Variants in TENM1 observed in about 807,000 individuals in gnomAD.
TENM1 encodes teneurin-1.
In TENM1, 35 loss-of-function variants were observed where a neutral mutation model predicts 174.8. The ratio of observed to expected loss-of-function variants is 0.20; its 90% CI spans 0.15 to 0.27. The LOEUF (loss-of-function observed/expected upper bound fraction) is 0.27, where lower values mean the gene tolerates loss of function less well. Ranked by LOEUF, TENM1 falls within the 10% of genes least tolerant of loss-of-function variation. The pLI, the probability that TENM1 is intolerant of heterozygous loss-of-function variation, is 1.00. For missense variants in TENM1, 1,633 were observed against 2,130.1 expected (o/e 0.77, Z 4.59); for synonymous variants, 781 against 798.7 (o/e 0.98, Z 0.37).
chrX:125,037,791 T>A, the TENM1 span, among the ~76,000 whole-genome samples: 1 of 111,695 alleles, frequency 9.0e-6, no homozygotes, highest in African/African-American at 3.2e-5. Context: ...CCTTTTAATC[T>A]TTCCTCATAA....
At chrX:125,131,833 G>T in the TENM1 span, among the ~76,000 whole-genome samples, 1 of 111,466 alleles carries the variant, frequency 9.0e-6, no homozygotes, top group Non-Finnish European at 1.9e-5. Context: ...TGAGTACTTT[G>T]TTGGGTGCTG....
chrX:124,473,323 A>T (rs1003758721), intron 22 of TENM1, among the ~76,000 whole-genome samples: 54 of 111,464 alleles, frequency 4.8e-4, no homozygotes, highest in African/African-American at 1.7e-3. Context: ...TCAAAATATG[A>T]TTTAAGTGAT....
chrX:125,198,626 T>G, the TENM1 span, among the ~76,000 whole-genome samples: 1 of 111,756 alleles, frequency 8.9e-6, no homozygotes, highest in Non-Finnish European at 1.9e-5. Flanking sequence ...TAATCATTTA[T>G]TTCTAGCAAA....
intron 3 of TENM1, among the ~76,000 whole-genome samples, chrX:124,752,759 C>T (rs1247241454): frequency 6.3e-5 from 7 of 110,744 alleles, no homozygotes; most frequent in African/African-American, 2.3e-4. Flanking sequence ...AATCCTTTCC[C>T]CATTGCTTGT....
chrX:124,822,436 A>G (rs754833726), intron 3 of TENM1, among the ~76,000 whole-genome samples: 1 of 112,148 alleles, frequency 8.9e-6, no homozygotes, highest in Admixed American at 9.5e-5. Flanking sequence ...AGAGTTTATT[A>G]CATGTGTCTG....
At chrX:125,076,898 T>C in the TENM1 span, among the ~76,000 whole-genome samples, 1 of 108,790 alleles carries the variant, frequency 9.2e-6, no homozygotes, top group Non-Finnish European at 1.9e-5. Flanking sequence ...CATTTCAAAA[T>C]TTTTTTTTTC....
intron 1 of TENM1, among the ~76,000 whole-genome samples, chrX:124,957,628 T>C (rs2058596144): frequency 9.6e-6 from 1 of 104,063 alleles, no homozygotes; most frequent in Non-Finnish European, 2.0e-5. Context: ...TTCCACCAGA[T>C]GGCAATAATG....
chrX:124,841,947 A>C (rs977883068), intron 3 of TENM1, among the ~76,000 whole-genome samples: 1 of 112,228 alleles, frequency 8.9e-6, no homozygotes. Flanking sequence ...TTTCAATAGC[A>C]AGTTATGTTT....
At position 124,866,290 on chromosome X, in the gene TENM1, G is replaced by C. The variant is rs182908677; in HGVS notation, c.535+28006C>G. Among the ~76,000 whole-genome samples the C allele has an allele frequency of 5.0e-3, 560 of 111,916 alleles. 9 individuals carry two copies. Among genetic ancestry groups the C allele is most frequent in the African/African-American group, 0.017 (527 of 30,899 alleles). On this transcript the variant is annotated intron_variant, in intron 3 of 31. Transcript: ENST00000422452. Reference sequence around the variant, plus strand: ...AACAAGTCTTCAAAACATTCAAAAAGTTGAAATAATATCAAGCATCTTCTC... The same window carrying C: ...AACAAGTCTTCAAAACATTCAAAAACTTGAAATAATATCAAGCATCTTCTC...
intron 16 of TENM1, among the ~76,000 whole-genome samples, chrX:124,527,750 G>A (rs1469197962): frequency 3.9e-5 from 4 of 103,816 alleles, no homozygotes; most frequent in Non-Finnish European, 5.9e-5. Context: ...CCAGGTTCAA[G>A]CAATTCTCCT....
At chrX:124,459,418 A>T (rs2147865017) in intron 22 of TENM1, among the ~76,000 whole-genome samples, 1 of 111,031 alleles carries the variant, frequency 9.0e-6, no homozygotes, top group African/African-American at 3.3e-5. Flanking sequence ...AGATGAGGAA[A>T]TGGAAGTGCA....
intron 3 of TENM1, among the ~76,000 whole-genome samples, chrX:124,791,048 C>T (rs1400218099): frequency 9.0e-6 from 1 of 111,632 alleles, no homozygotes. Context: ...GTTCAAATAC[C>T]TTATCACATA....
At chrX:124,906,159 C>G (rs752261408) in intron 1 of TENM1, among the ~76,000 whole-genome samples, 9 of 111,952 alleles carry the variant, frequency 8.0e-5, no homozygotes, top group Non-Finnish European at 1.7e-4. Context: ...CATTAGCTTA[C>G]AGATGAGCAA....
intron 29 of TENM1, among the ~76,000 whole-genome samples, chrX:124,385,385 T>C (rs2060207225): frequency 8.9e-6 from 1 of 112,404 alleles, no homozygotes; most frequent in Non-Finnish European, 1.9e-5. Context: ...TGCCGTTTCA[T>C]CTTTGAGAAG....
chrX:124,823,201 T>C (rs1441695931), intron 3 of TENM1, among the ~76,000 whole-genome samples: 2 of 112,212 alleles, frequency 1.8e-5, no homozygotes, highest in Non-Finnish European at 3.8e-5. Flanking sequence ...GACATCTACA[T>C]GTTATATTTG....
At chrX:124,879,205 T>C (rs956931791) in intron 3 of TENM1, among the ~76,000 whole-genome samples, 5 of 111,844 alleles carry the variant, frequency 4.5e-5, no homozygotes, top group Admixed American at 1.9e-4. Flanking sequence ...TACTCTGCTA[T>C]TGAACATTAG....
At chrX:124,918,569 CAAAAAAA>C (rs11374085) in intron 1 of TENM1, among the ~76,000 whole-genome samples, 2 of 50,242 alleles carry the variant, frequency 4.0e-5, no homozygotes, top group Non-Finnish European at 8.8e-5. Flanking sequence ...AGAGAAATTA[CAAAAAAA>C]AAAAAAAAAA....
Position 124,452,341 on chromosome X carries a change from G to A in TENM1, c.4104+996C>T, listed in dbSNP as rs779788871. ...ATGAGATACCATCTCACACCAGTTA[G>A]AATGGCGATCATTACAAAGTCAGGA... On this transcript the variant is annotated intron_variant, in intron 23 of 31. Transcript: ENST00000422452. Among the ~76,000 whole-genome samples, 324 of 112,249 alleles carry A rather than the reference G, an allele frequency of 2.9e-3. 2 individuals are homozygous for A. The highest frequency in any genetic ancestry group is 0.01 in the African/African-American group (314 of 30,909).
chrX:124,811,369 T>C (rs1244494112), intron 3 of TENM1, among the ~76,000 whole-genome samples: 2 of 111,511 alleles, frequency 1.8e-5, no homozygotes, highest in Non-Finnish European at 3.8e-5. Context: ...TGAATCAGTG[T>C]TTCTCAAAAA....
Sources: gnomAD v4.1 joint callset for allele counts (sites outside exome capture counted in the v4.1 genomes callset) on GRCh38, gnomAD v4.1.1 for gene constraint, MANE v1.5 for transcripts, NCBI Gene and HGNC (gene_info 2026-07-23, HGNC 2026-07-21) for gene names.